The following POLR2F variants were observed in gnomAD, a reference collection of about 807,000 sequenced individuals.
POLR2F encodes DNA-directed RNA polymerases I, II, and III subunit RPABC2.
Under a neutral mutation model 22.7 loss-of-function variants are expected in POLR2F, and 12 were observed. The ratio of observed to expected loss-of-function variants is 0.53; its 90% CI spans 0.34 to 0.86. The LOEUF (loss-of-function observed/expected upper bound fraction) is 0.86. Ranked by LOEUF, POLR2F falls within the 40% of genes least tolerant of loss-of-function variation. The probability of loss-of-function intolerance (pLI) is 0.02; values close to 1 mark genes in which losing one functional copy is unlikely to be tolerated. For missense variants in POLR2F, 126 were observed against 171.5 expected (o/e 0.73, Z 1.48); for synonymous variants, 57 against 66.0 (o/e 0.86, Z 0.66).
chr22:37,955,553 T>C (rs1198207729), intron 1 of POLR2F, among the ~76,000 whole-genome samples: 1 of 127,462 alleles, frequency 7.8e-6, no homozygotes, highest in African/African-American at 3.0e-5. Context: ...AAAAAAAAAA[T>C]GCTGATGGGA....
intron 4 of POLR2F, 145 bp from the exon 5 acceptor site, chr22:37,967,480 T>G (rs2145750610): frequency 1.4e-6 from 2 of 1,451,740 alleles, no homozygotes; most frequent in East Asian, 5.0e-5. Context: ...TTCTTGTAAT[T>G]GCTTTCTTAC....
intron 1 of POLR2F, among the ~76,000 whole-genome samples, chr22:38,021,213 G>A (rs2084957936): frequency 6.6e-6 from 1 of 152,220 alleles, no homozygotes; most frequent in Non-Finnish European, 1.5e-5. Context: ...CTTGAACCAA[G>A]GCTTATAGGT....
At chr22:38,021,082 C>A (rs2084957116) in intron 1 of POLR2F, among the ~76,000 whole-genome samples, 1 of 152,172 alleles carries the variant, frequency 6.6e-6, no homozygotes, top group Non-Finnish European at 1.5e-5. Context: ...GAGAGTCCCA[C>A]GTGGACCTTT....
At chr22:37,987,099 A>G (rs1488293889) in intron 1 of POLR2F, 1 of 456,290 alleles carries the variant, frequency 2.2e-6, no homozygotes, top group Non-Finnish European at 4.4e-6. Context: ...AGGGTTTGTC[A>G]CCGTCCATGG....
chr22:37,986,277 G>C lies in POLR2F; in HGVS notation c.87G>C (p.Pro29=). 2 of 1,538,602 alleles carry C rather than the reference G, an allele frequency of 1.3e-6. No homozygotes were observed. The highest frequency in any genetic ancestry group is 1.7e-6 in the Non-Finnish European group (2 of 1,146,828). The change falls in exon 1 of 3, where the codon CCG becomes CCC. Residue 29 remains proline (P), a synonymous_variant. Coordinates refer to the POLR2F transcript ENST00000333418. This position sits in a 1 kb window ranked among gnomAD's most constrained non-coding sequence, Gnocchi z 4.7. The stretch of plus-strand genomic sequence containing the variant: ...TCGCCTCCAACACCCGCTGCTGCCC[G>C]CCCGCTGCCTGCCTGCCTGGCATCT...
intron 1 of POLR2F, among the ~76,000 whole-genome samples, chr22:38,003,438 GC>G (rs1706832624): frequency 6.6e-6 from 1 of 152,192 alleles, no homozygotes; most frequent in South Asian, 2.1e-4. Context: ...AGTTGGCCAG[GC>G]TGGTCTTGAA....
At chr22:37,983,630 C>T, upstream of POLR2F, 2 of 1,603,536 alleles carry the variant, frequency 1.2e-6, no homozygotes, top group Non-Finnish European at 1.7e-6. The surrounding 1 kb of genome is among the most constrained non-coding windows in gnomAD (Gnocchi z 9.5). Context: ...CTTGACCTTG[C>T]CCAGCTCGCC....
chr22:38,025,812 C>A, intron 1 of POLR2F: 1 of 1,458,812 alleles, frequency 6.9e-7, no homozygotes, highest in Non-Finnish European at 9.6e-7. Flanking sequence ...CTTTTCATGG[C>A]CAGCATGGTG....
At chr22:37,987,001 G>A (rs1372735548) in intron 1 of POLR2F, 1 of 454,366 alleles carries the variant, frequency 2.2e-6, no homozygotes, top group East Asian at 7.0e-5. Flanking sequence ...GGTGGCAGGG[G>A]TCCCTTTACC....
At chr22:37,990,397 C>A (rs1932700363) in intron 1 of POLR2F, among the ~76,000 whole-genome samples, 2 of 152,286 alleles carry the variant, frequency 1.3e-5, no homozygotes, top group Non-Finnish European at 2.9e-5. Flanking sequence ...CTCTGGCAGC[C>A]TGGCCTCTGC....
intron 1 of POLR2F, among the ~76,000 whole-genome samples, chr22:38,007,377 A>AG (rs2084830797): frequency 6.6e-6 from 1 of 152,208 alleles, no homozygotes; most frequent in South Asian, 2.1e-4. Flanking sequence ...AGGCAGCAGT[A>AG]GGGTGGCTGG....
chr22:38,022,318 G>A (rs1392734420), intron 1 of POLR2F, among the ~76,000 whole-genome samples: 3 of 151,542 alleles, frequency 2.0e-5, no homozygotes, highest in African/African-American at 4.9e-5. Flanking sequence ...TTGGGAGGCC[G>A]AGGCGGGCGG....
At chr22:37,998,880 G>A (rs2084742698) in intron 1 of POLR2F, among the ~76,000 whole-genome samples, 1 of 152,026 alleles carries the variant, frequency 6.6e-6, no homozygotes, top group Admixed American at 6.5e-5. Flanking sequence ...GGTGGGGGCT[G>A]AGACGGAGAT....
chr22:37,987,477 C>T, intron 1 of POLR2F: 1 of 298,528 alleles, frequency 3.3e-6, no homozygotes. Flanking sequence ...AAGGCTCCGC[C>T]TGTGTTCCCC....
Position 38,034,401 on chromosome 22 carries a change from C to A in POLR2F, c.453-6667C>A, listed in dbSNP as rs565307464. Among the ~76,000 whole-genome samples, 3 of 152,316 alleles carry A rather than the reference C, an allele frequency of 2.0e-5. No homozygotes were observed. In the South Asian group the frequency reaches 6.2e-4, roughly 32 times the overall value. ...GCTCGGCCACTTCCTGGCCACGTGGCGGCAGGCAGGTCCCAACCCTTCTCT... is the reference window on the plus strand; with the variant it reads ...GCTCGGCCACTTCCTGGCCACGTGGAGGCAGGCAGGTCCCAACCCTTCTCT... On this transcript the variant is annotated intron_variant, in intron 5 of 5. Transcript: ENST00000407936.
At chr22:37,987,291 G>A (rs529623920) in intron 1 of POLR2F, 35 of 456,708 alleles carry the variant, frequency 7.7e-5, no homozygotes, top group Non-Finnish European at 1.4e-4. Context: ...GTTAAGGCAG[G>A]TCCCGGATTT....
downstream of POLR2F, among the ~76,000 whole-genome samples, chr22:38,026,870 C>A (rs1485428002): frequency 6.6e-6 from 1 of 152,024 alleles, no homozygotes; most frequent in South Asian, 2.1e-4. Flanking sequence ...CAGCCTCCCC[C>A]AGTCTCCTAC....
intron 2 of POLR2F, 70 bp downstream of exon 2, chr22:37,956,912 G>A: frequency 8.6e-7 from 1 of 1,160,950 alleles, no homozygotes; most frequent in Non-Finnish European, 1.3e-6. Flanking sequence ...GTGATGATTA[G>A]CTGAATGTGT....
chr22:38,026,929 C>G (rs73886235), downstream of POLR2F, among the ~76,000 whole-genome samples: 5 of 152,152 alleles, frequency 3.3e-5, no homozygotes, highest in East Asian at 5.8e-4. Context: ...CCAGCTCCCC[C>G]TCCCAGCTGC....
Sources: gnomAD v4.1 joint callset for allele counts (sites outside exome capture counted in the v4.1 genomes callset) on GRCh38, gnomAD v4.1.1 for gene constraint, Gnocchi (gnomAD v3.1) non-coding constraint, MANE v1.5 for transcripts, NCBI Gene and HGNC (gene_info 2026-07-23, HGNC 2026-07-21) for gene names.